Variants in ANO7 observed in about 807,000 individuals in gnomAD.
The protein encoded by ANO7 is anoctamin-7.
Under a neutral mutation model 115.8 loss-of-function variants are expected in ANO7, and 114 were observed. That is an observed-to-expected ratio of 0.98 (90% CI 0.85 to 1.15). ANO7 has a LOEUF of 1.15. ANO7 is among the 50% of genes most tolerant of loss of function. ANO7 has a pLI of 0.00. For missense variants in ANO7, 1,302 were observed against 1,201.2 expected (o/e 1.08, Z -1.24); for synonymous variants, 550 against 498.2 (o/e 1.10, Z -1.38).
chr2:241,209,274 C>T lies in ANO7; in HGVS notation c.1078-11C>T, dbSNP rs780247696. On this transcript the variant is annotated splice_polypyrimidine_tract_variant and intron_variant, in intron 11 of 24. Transcript: ENST00000674324. The stretch of plus-strand genomic sequence containing the variant: ...CCAAGCAAGTCTGGACGCCCCCGCT[C>T]CCTGCCACAGGCCGGCCGGCTGTTC... 6.5e-7 allele frequency: 1 copy of T among 1,548,622 alleles called. No individual in the cohort carries two copies. The highest frequency in any genetic ancestry group is 1.2e-5 in the South Asian group (1 of 84,162).
the ANO7 span, among the ~76,000 whole-genome samples, chr2:241,239,232 T>A: frequency 6.6e-6 from 1 of 152,220 alleles, no homozygotes; most frequent in Admixed American, 6.5e-5. The surrounding 1 kb of genome is among the most constrained non-coding windows in gnomAD (Gnocchi z 4.6). Context: ...ATCGATTTTC[T>A]TTCCTTCACA....
At chr2:241,212,065 G>A in intron 15 of ANO7, 29 bp from the exon 16 acceptor site, 1 of 1,602,902 alleles carries the variant, frequency 6.2e-7, no homozygotes, top group Non-Finnish European at 8.5e-7. Context: ...ACTCCCCCAG[G>A]GACTGAGCCC....
At chr2:241,236,033 G>A in the ANO7 span, 5 of 190,860 alleles carry the variant, frequency 2.6e-5, no homozygotes, top group East Asian at 1.4e-4. Context: ...CTCTCAGACC[G>A]CTGCTCACCT....
rs1422208281 is a variant in ANO7, at chr2:241,217,622, G to C, written c.1973-64G>C. 5.3e-6 allele frequency: 8 copies of C among 1,517,284 alleles called. No individual in the cohort carries two copies. The South Asian group carries it at 7.2e-5, about 14-fold the overall frequency. 94.0% of individuals were successfully genotyped at this position (1,517,284 alleles called of 1,614,324 possible). On this transcript the variant is annotated intron_variant, in intron 19 of 24. Transcript: ENST00000674324. ...GTGGACTGGCCGGTCCTCCGCGGGG[G>C]GCGCGTTCCGAGGGCTGAGGGCGGA...
In ANO7 at chr2:241,201,288, A is replaced by T. The variant is rs772388728; in HGVS notation, c.555-10A>T. On this transcript the variant is annotated splice_polypyrimidine_tract_variant and intron_variant, in intron 6 of 24. Coordinates refer to ENST00000674324, the MANE Select transcript of ANO7 (RefSeq NM_001370694.2). The stretch of plus-strand genomic sequence containing the variant: ...CCTCCAAACCTTCTGCACTGTTCAC[A>T]TGCCCACAGCTTCCTCGGGAGTGAC... The T allele has an allele frequency of 3.1e-6, 5 of 1,601,666 alleles. No homozygotes were observed. The highest frequency in any genetic ancestry group is 1.6e-4 in the Middle Eastern group (1 of 6,064).
rs770964081 is a variant in ANO7 at position 241,214,791 on chromosome 2, C to T, written c.1729-14C>T. 4.4e-6 allele frequency: 7 copies of T among 1,608,388 alleles called. No homozygotes were observed. The South Asian group carries it at 7.7e-5, about 18-fold the overall frequency. On this transcript the variant is annotated splice_polypyrimidine_tract_variant and intron_variant, in intron 17 of 24. Coordinates refer to ENST00000674324, the MANE Select transcript of ANO7 (RefSeq NM_001370694.2). ...GTCCCCCTCTCCCAGCTAACCTGAG[C>T]CCTGCTGCCGTAGTGCGCGGCTGGA...
downstream of ANO7, chr2:241,227,155 T>C (rs1221948369): frequency 6.6e-6 from 1 of 151,194 alleles, no homozygotes; most frequent in African/African-American, 2.4e-5. Flanking sequence ...CGAGGGGCCG[T>C]TGAACACAGT....
intron 19 of ANO7, among the ~76,000 whole-genome samples, chr2:241,216,943 C>G (rs753469406): frequency 3.9e-5 from 6 of 152,234 alleles, no homozygotes; most frequent in Non-Finnish European, 7.3e-5. Flanking sequence ...AAGCAATTCT[C>G]CTGCCTCAGC....
Position 241,203,007 on chromosome 2 carries a change from T to G in ANO7, c.724-326T>G, listed in dbSNP as rs1007867607. ...GAATGCACAGCACAGGACACGAGCC[T>G]GGGGACTCTCCAACCCAGAGAAGGT... is the stretch of plus-strand genomic sequence containing the variant. On this transcript the variant is annotated intron_variant, in intron 8 of 24. Transcript: ENST00000674324. The surrounding 1 kb of genome is among the most constrained non-coding windows in gnomAD (Gnocchi z 4.8). Among the ~76,000 whole-genome samples, 13 of 152,158 alleles carry G rather than the reference T, an allele frequency of 8.5e-5. No individual in the cohort carries two copies. Among genetic ancestry groups the G allele is most frequent in the Non-Finnish European group, 1.6e-4 (11 of 68,006 alleles).
chr2:241,189,813 G>A lies in ANO7; in HGVS notation c.-7-244G>A, dbSNP rs534425627. On this transcript the variant is annotated intron_variant, in intron 1 of 24. Transcript: ENST00000674324. ...GCACTCACTGGATGGACAGACAGACGCCTGCTGTGCCAGGCCTGCCAGACG... is the reference window on the plus strand; with the variant it reads ...GCACTCACTGGATGGACAGACAGACACCTGCTGTGCCAGGCCTGCCAGACG... Among the ~76,000 whole-genome samples, 2 of 152,280 alleles carry A rather than the reference G, an allele frequency of 1.3e-5. 1 individual carries two copies. Among genetic ancestry groups the A allele is most frequent in the South Asian group, 4.1e-4 (2 of 4,824 alleles).
chr2:241,236,767 G>A, the ANO7 span: 2 of 1,613,838 alleles, frequency 1.2e-6, no homozygotes, highest in Non-Finnish European at 1.7e-6. Flanking sequence ...TCTGTACTGT[G>A]AACTAGAGAG....
chr2:241,201,395 C>T (rs767103308), intron 7 of ANO7, 40 bp downstream of exon 7: 2 of 1,598,078 alleles, frequency 1.3e-6, no homozygotes, highest in African/African-American at 2.7e-5. Context: ...AAACCCTGAC[C>T]TGGCTCTGAG....
At chr2:241,230,750 C>G, downstream of ANO7, 1 of 1,612,748 alleles carries the variant, frequency 6.2e-7, no homozygotes, top group East Asian at 2.2e-5. This position sits in a 1 kb window ranked among gnomAD's most constrained non-coding sequence, Gnocchi z 5.0. Flanking sequence ...GTGCTTCCAG[C>G]CGGCTCACCT....
intron 1 of ANO7, among the ~76,000 whole-genome samples, chr2:241,189,668 C>T (rs2068141902): frequency 6.6e-6 from 1 of 152,140 alleles, no homozygotes; most frequent in Admixed American, 6.5e-5. Flanking sequence ...GCTCACATGG[C>T]TCCACCCTAC....
intron 11 of ANO7, among the ~76,000 whole-genome samples, chr2:241,208,384 C>G (rs369609557): frequency 5.9e-5 from 9 of 152,226 alleles, no homozygotes; most frequent in African/African-American, 1.7e-4. Flanking sequence ...GCTGGCAGTC[C>G]TTGGTCCTCC....
intron 3 of ANO7, among the ~76,000 whole-genome samples, chr2:241,192,932 G>C (rs1252886301): frequency 6.6e-6 from 1 of 152,164 alleles, no homozygotes; most frequent in East Asian, 1.9e-4. Context: ...GGGGGAGTTA[G>C]TGCTTAATGG....
chr2:241,217,888 C>A lies in ANO7; in HGVS notation c.2175C>A (p.Ser725Arg). The A allele has an allele frequency of 1.9e-6, 3 of 1,569,944 alleles. No homozygotes were observed. Among genetic ancestry groups the A allele is most frequent in the Non-Finnish European group, 1.7e-6 (2 of 1,164,306 alleles). Residue 725 changes from serine (S) to arginine (R), a missense_variant, in exon 20 of 25, where the codon AGC becomes AGA. Physicochemically the swap from Ser to Arg is moderately radical, Grantham distance 110. Transcript: ENST00000674324. ...LAGLTHLAVI[S>R]NAFLLAFSSD... Reference sequence around the variant, plus strand: ...GCCTCACGCACCTGGCGGTCATCAGCAACGTGAGGCCCGGGCGGGAGCGCG... The same window carrying A: ...GCCTCACGCACCTGGCGGTCATCAGAAACGTGAGGCCCGGGCGGGAGCGCG...
downstream of ANO7, chr2:241,228,683 C>CGGCT (rs2069364019): frequency 6.5e-6 from 1 of 152,732 alleles, no homozygotes. Flanking sequence ...CACTCCACGC[C>CGGCT]GGCTGAGGTA....
intron 3 of ANO7, 46 bp downstream of exon 3, chr2:241,191,297 G>A (rs1452517155): frequency 1.2e-6 from 2 of 1,608,084 alleles, no homozygotes; most frequent in Admixed American, 3.3e-5. Flanking sequence ...TGGTCCTGAG[G>A]GTGGGGACAC....
Sources: allele counts gnomAD v4.1 joint callset (sites outside exome capture counted in the v4.1 genomes callset), GRCh38; gene constraint gnomAD v4.1.1; non-coding constraint Gnocchi (gnomAD v3.1); transcripts MANE v1.5; gene names NCBI Gene and HGNC (gene_info 2026-07-23, HGNC 2026-07-21).